WDR72: variants seen among roughly 807,000 people sequenced by gnomAD.
WDR72 encodes WD repeat-containing protein 72.
WDR72 carries 120 observed loss-of-function variants against 124.2 expected under a neutral mutation model. The ratio of observed to expected loss-of-function variants is 0.97; its 90% CI spans 0.83 to 1.12. The LOEUF is 1.12. Ranked by LOEUF, WDR72 falls within the 50% of genes most tolerant of loss-of-function variation. The pLI is 0.00. For missense variants in WDR72, 1,387 were observed against 1,278.8 expected, an observed-to-expected ratio of 1.08 and a Z score of -1.29; for synonymous variants, 452 against 441.7, an observed-to-expected ratio of 1.02 and a Z score of -0.29.
At chr15:53,616,770 G>C (rs1406139943) in intron 14 of WDR72, among the ~76,000 whole-genome samples, 1 of 151,876 alleles carries the variant, frequency 6.6e-6, no homozygotes, top group African/African-American at 2.4e-5. Flanking sequence ...TGCCCCAAAG[G>C]CTGGCACAGT....
chr15:53,607,225 G>A (rs1318930024), intron 17 of WDR72, among the ~76,000 whole-genome samples: 3 of 151,674 alleles, frequency 2.0e-5, no homozygotes, highest in South Asian at 2.1e-4. Context: ...AGTCCTCTAA[G>A]TCAACTCACA....
intron 18 of WDR72, among the ~76,000 whole-genome samples, chr15:53,559,511 C>T (rs1360620141): frequency 6.6e-6 from 1 of 152,002 alleles, no homozygotes; most frequent in Admixed American, 6.6e-5. Flanking sequence ...GAAAGAACCA[C>T]CTTCTTTCAA....
chr15:53,579,117 G>C (rs1182917124), intron 18 of WDR72, among the ~76,000 whole-genome samples: 1 of 152,086 alleles, frequency 6.6e-6, no homozygotes, highest in Non-Finnish European at 1.5e-5. Context: ...CTGCCCTTTA[G>C]AGTAGACAAG....
At chr15:53,566,676 G>A (rs1295150864) in intron 18 of WDR72, among the ~76,000 whole-genome samples, 1 of 151,834 alleles carries the variant, frequency 6.6e-6, no homozygotes, top group Non-Finnish European at 1.5e-5. Flanking sequence ...TGAAAGAGGT[G>A]AGGAACAAAC....
In WDR72 at chr15:53,753,824, A is replaced by T. The variant is rs531132061; in HGVS notation, c.-13+5809T>A. Among the ~76,000 whole-genome samples, 4 of 152,258 alleles carry T rather than the reference A, an allele frequency of 2.6e-5. No individual in the cohort carries two copies. The South Asian group carries it at 8.3e-4, about 32-fold the overall frequency. On this transcript the variant is annotated intron_variant, in intron 1 of 19. Coordinates refer to ENST00000360509, the MANE Select transcript of WDR72 (RefSeq NM_182758.4). ...CAGACCTTGTGCTGGTGGCTTTCCT[A>T]TGCATTTTCTCAAGTAATCCACACA...
intron 2 of WDR72, among the ~76,000 whole-genome samples, chr15:53,725,521 C>T (rs2017996742): frequency 6.6e-6 from 1 of 152,148 alleles, no homozygotes; most frequent in African/African-American, 2.4e-5. Flanking sequence ...TTTACAGTAG[C>T]TTTATCCATA....
At chr15:53,665,007 A>G (rs887440278) in intron 14 of WDR72, among the ~76,000 whole-genome samples, 8 of 152,172 alleles carry the variant, frequency 5.3e-5, no homozygotes, top group Admixed American at 2.6e-4. Flanking sequence ...TTAAATTACT[A>G]TATCATATTT....
chr15:53,754,097 C>T (rs1595890759), intron 1 of WDR72, among the ~76,000 whole-genome samples: 1 of 152,204 alleles, frequency 6.6e-6, no homozygotes, highest in South Asian at 2.1e-4. Flanking sequence ...ACAAACACAA[C>T]TTAAATTCAA....
At chr15:53,672,175 C>A (rs1841573) in intron 13 of WDR72, among the ~76,000 whole-genome samples, 14,516 of 152,040 alleles carry the variant, frequency 0.095, 1,856 homozygotes, top group African/African-American at 0.29. Flanking sequence ...AAGAATGGGG[C>A]AGAGATGTTT....
At chr15:53,735,305 A>G (rs1422832793) in intron 1 of WDR72, among the ~76,000 whole-genome samples, 1 of 152,182 alleles carries the variant, frequency 6.6e-6, no homozygotes, top group Non-Finnish European at 1.5e-5. Flanking sequence ...AAAGACCATG[A>G]CAAGTATTAA....
At chr15:53,590,353 T>C (rs2012434969) in intron 18 of WDR72, among the ~76,000 whole-genome samples, 1 of 152,076 alleles carries the variant, frequency 6.6e-6, no homozygotes, top group African/African-American at 2.4e-5. Context: ...TGTTAATTCA[T>C]ATTCCAAATA....
chr15:53,629,260 A>G (rs75183529), intron 14 of WDR72, among the ~76,000 whole-genome samples: 37,250 of 151,678 alleles, frequency 0.25, 4,977 homozygotes, highest in East Asian at 0.46. Context: ...AAAAAACCCA[A>G]GAGAAAAAAT....
intron 13 of WDR72, among the ~76,000 whole-genome samples, chr15:53,672,232 G>GA (rs1233735562): frequency 6.6e-6 from 1 of 151,392 alleles, no homozygotes; most frequent in Non-Finnish European, 1.5e-5. Context: ...TAGACAGCAT[G>GA]TGGAGTTCCA....
At chr15:53,737,740 G>A (rs544843213) in intron 1 of WDR72, among the ~76,000 whole-genome samples, 2 of 152,198 alleles carry the variant, frequency 1.3e-5, no homozygotes, top group African/African-American at 4.8e-5. Context: ...GTAATAAACA[G>A]ATCAAGCAGA....
intron 1 of WDR72, among the ~76,000 whole-genome samples, chr15:53,742,333 T>C (rs1471658839): frequency 6.6e-6 from 1 of 152,192 alleles, no homozygotes; most frequent in Admixed American, 6.5e-5. Context: ...AGAATCTCTG[T>C]GGTGCGGAGG....
chr15:53,732,475 TG>T (rs2018230039), intron 2 of WDR72, among the ~76,000 whole-genome samples: 1 of 152,184 alleles, frequency 6.6e-6, no homozygotes, highest in Non-Finnish European at 1.5e-5. Context: ...GGTCAGGTTC[TG>T]AAATAGAAGG....
At chr15:53,699,978 T>C (rs745616589) in intron 12 of WDR72, 33 bp from the exon 13 acceptor site, 6 of 1,613,142 alleles carry the variant, frequency 3.7e-6, no homozygotes, top group Middle Eastern at 1.6e-4. Context: ...TGTAAGTAAA[T>C]AGTCAAATGC....
intron 14 of WDR72, among the ~76,000 whole-genome samples, chr15:53,620,236 G>A (rs563559071): frequency 6.6e-6 from 1 of 151,686 alleles, no homozygotes; most frequent in African/African-American, 2.4e-5. Context: ...AATAGATTTG[G>A]CTGAATATAT....
chr15:53,606,243 C>A (rs1178838074), intron 17 of WDR72, among the ~76,000 whole-genome samples: 1 of 152,110 alleles, frequency 6.6e-6, no homozygotes, highest in Non-Finnish European at 1.5e-5. Flanking sequence ...TCTGCTGAAT[C>A]CTTCTTTTTA....
Sources: allele counts gnomAD v4.1 joint callset (sites outside exome capture counted in the v4.1 genomes callset), GRCh38; gene constraint gnomAD v4.1.1; transcripts MANE v1.5; gene names NCBI Gene and HGNC (gene_info 2026-07-23, HGNC 2026-07-21).